CENPK: variants seen among roughly 807,000 people sequenced by gnomAD.
The protein encoded by CENPK is centromere protein K.
In CENPK, 46 loss-of-function variants were observed where a neutral mutation model predicts 40.9. The ratio of observed to expected loss-of-function variants is 1.13; its 90% CI spans 0.89 to 1.44. CENPK has a LOEUF of 1.44. CENPK is among the 40% of genes most tolerant of loss of function. The pLI is 0.00. For missense variants in CENPK, 288 were observed against 303.5 expected, an observed-to-expected ratio of 0.95 and a Z score of 0.38; for synonymous variants, 107 against 104.4, an observed-to-expected ratio of 1.02 and a Z score of -0.15.
At chr5:65,502,796 TTTTA>T in the CENPK span, among the ~76,000 whole-genome samples, 298 of 151,734 alleles carry the variant, frequency 2.0e-3, 2 homozygotes, top group African/African-American at 6.3e-3. Context: ...AATTTTTAAA[TTTTA>T]TTTATTTATT....
At position 65,561,270 on chromosome 5, in the gene CENPK, G is replaced by A. The variant is rs113654962; in HGVS notation, c.-40+193C>T. On this transcript the variant is annotated intron_variant, in intron 2 of 10. Coordinates refer to ENST00000396679, the MANE Select transcript of CENPK (RefSeq NM_022145.5). ...CATGAATTTTAGAATATTTTTAAGC[G>A]AAAAAGTCAAACATAAATATTTCTT... The A allele has an allele frequency of 5.3e-3, 1,156 of 219,594 alleles. 10 individuals are homozygous for A. Among genetic ancestry groups the A allele is most frequent in the African/African-American group, 0.024 (1,069 of 43,950 alleles). The allele number at this position is 219,594 out of a possible 1,614,324, so 13.6% of individuals were successfully genotyped here. A position where few individuals can be genotyped will look rare whatever the true frequency, so the allele number is the denominator to read the frequency against.
At chr5:65,540,359 A>G (rs984131514) in intron 6 of CENPK, among the ~76,000 whole-genome samples, 3 of 152,242 alleles carry the variant, frequency 2.0e-5, no homozygotes, top group African/African-American at 7.2e-5. Flanking sequence ...CCTCTTTATA[A>G]TAAGAATGAT....
intron 6 of CENPK, among the ~76,000 whole-genome samples, chr5:65,538,128 T>TA (rs1033512296): frequency 7.9e-5 from 12 of 152,166 alleles, no homozygotes; most frequent in East Asian, 7.7e-4. Context: ...TGGTCCTTTT[T>TA]AAAAAAAATG....
chr5:65,539,774 C>T (rs1243994130), intron 6 of CENPK, among the ~76,000 whole-genome samples: 6 of 152,236 alleles, frequency 3.9e-5, no homozygotes, highest in Admixed American at 6.5e-5. Flanking sequence ...AGGCTCCTTC[C>T]TTTAAAACCC....
At position 65,552,527 on chromosome 5, in the gene CENPK, A is replaced by T. The variant is rs1454849271; in HGVS notation, c.134T>A (p.Ile45Asn). The change falls in exon 4 of 11, where the codon ATT becomes AAT. Residue 45 changes from isoleucine to asparagine, a missense_variant. Ile to Asn is a moderately radical substitution (Grantham distance 149). Coordinates refer to ENST00000396679, the MANE Select transcript of CENPK (RefSeq NM_022145.5). ...MEECQNKLSLIGTETLTDSNA... is the reference protein window; with the variant it reads ...MEECQNKLSLNGTETLTDSNA... ...TGAATCGGTGAGTGTTTCAGTTCCAATAAGTGATAATTTATTCTGACACTT... is the reference window on the plus strand; with the variant it reads ...TGAATCGGTGAGTGTTTCAGTTCCATTAAGTGATAATTTATTCTGACACTT... 6.4e-7 allele frequency: 1 copy of T among 1,550,662 alleles called. No homozygotes were observed. Among genetic ancestry groups the T allele is most frequent in the Non-Finnish European group, 8.7e-7 (1 of 1,150,260 alleles).
chr5:65,525,723 G>A (rs964901679), intron 9 of CENPK, among the ~76,000 whole-genome samples: 2 of 152,064 alleles, frequency 1.3e-5, no homozygotes, highest in African/African-American at 2.4e-5. Flanking sequence ...CATAAGAATC[G>A]GGCCCTAATC....
chr5:65,562,403 A>G (rs1752154074), intron 1 of CENPK, among the ~76,000 whole-genome samples: 1 of 152,168 alleles, frequency 6.6e-6, no homozygotes, highest in Non-Finnish European at 1.5e-5. Context: ...TTGAAATAAA[A>G]TAAAGTGCCT....
Position 65,561,773 on chromosome 5 carries a change from C to A in CENPK, c.-141-209G>T, listed in dbSNP as rs539964544. On this transcript the variant is annotated intron_variant, in intron 1 of 10. Coordinates refer to ENST00000396679, the MANE Select transcript of CENPK (RefSeq NM_022145.5). Reference sequence around the variant, plus strand: ...AGTATCTCTTTATTTAGGGATAATACTATACTTAAAGAAACTCGTACTATT... The same window carrying A: ...AGTATCTCTTTATTTAGGGATAATAATATACTTAAAGAAACTCGTACTATT... Among the ~76,000 whole-genome samples the A allele has an allele frequency of 5.2e-5, 5 of 96,204 alleles. No individual in the cohort carries two copies. In the South Asian group the frequency reaches 1.6e-3, roughly 31 times the overall value. 63.1% of individuals were successfully genotyped at this position (96,204 alleles called of 152,430 possible).
At chr5:65,511,064 T>C in the CENPK span, among the ~76,000 whole-genome samples, 2 of 152,186 alleles carry the variant, frequency 1.3e-5, no homozygotes, top group East Asian at 3.9e-4. Flanking sequence ...TATTCTGTTA[T>C]AAGCAACAGA....
At chr5:65,530,742 C>G (rs938479802) in intron 6 of CENPK, among the ~76,000 whole-genome samples, 8 of 151,612 alleles carry the variant, frequency 5.3e-5, no homozygotes, top group Non-Finnish European at 7.4e-5. Flanking sequence ...AACCCTGTCT[C>G]TATAAATAAA....
intron 6 of CENPK, 119 bp downstream of exon 6, chr5:65,542,683 G>A (rs1046033951): frequency 4.4e-6 from 3 of 681,410 alleles, no homozygotes; most frequent in Non-Finnish European, 7.0e-6. Flanking sequence ...ATAAATAAAA[G>A]CAGAAAATTT....
chr5:65,503,942 C>T, the CENPK span, among the ~76,000 whole-genome samples: 1 of 149,604 alleles, frequency 6.7e-6, no homozygotes, highest in African/African-American at 2.5e-5. Context: ...AGGCGTGAGT[C>T]ACCGTGCCCG....
intron 6 of CENPK, among the ~76,000 whole-genome samples, chr5:65,534,050 C>CAAAAAAAAAAAA (rs60018569): frequency 1.1e-5 from 1 of 90,944 alleles, no homozygotes; most frequent in Non-Finnish European, 2.0e-5. Flanking sequence ...ACCGTCTCAA[C>CAAAAAAAAAAAA]AAAAAAAAAA....
At chr5:65,499,968 T>C in the CENPK span, among the ~76,000 whole-genome samples, 1 of 89,068 alleles carries the variant, frequency 1.1e-5, no homozygotes, top group Non-Finnish European at 2.5e-5. Context: ...GGTTTCCAGT[T>C]TCATCCATGT....
At chr5:65,546,288 G>C (rs1285578510) in intron 5 of CENPK, among the ~76,000 whole-genome samples, 1 of 152,132 alleles carries the variant, frequency 6.6e-6, no homozygotes. Flanking sequence ...TTACAGACGT[G>C]AGCCACCACA....
chr5:65,514,930 T>G (rs931400614), downstream of CENPK, among the ~76,000 whole-genome samples: 2 of 149,976 alleles, frequency 1.3e-5, no homozygotes, highest in Admixed American at 1.4e-4. Context: ...CATTTCTGAT[T>G]TTAGTAATTT....
chr5:65,551,592 GA>G lies in CENPK; in HGVS notation c.212del (p.Leu71ProfsTer14). On this transcript the variant is annotated frameshift_variant, in exon 5 of 11. Transcript: ENST00000396679. LOFTEE classifies it high-confidence loss of function. ...IMQVKCLTAE[L>X]SQWQKKTPET... is the part of the protein sequence containing the mutation. The stretch of plus-strand genomic sequence containing the variant: ...CAGGTGTTTTTTTCTGCCATTGACT[GA>G]GTTCAGCGGTTAAACATTTTACTTG... 6.4e-7 allele frequency: 1 copy of G among 1,572,712 alleles called. No individual in the cohort carries two copies. The highest frequency in any genetic ancestry group is 8.6e-7 in the Non-Finnish European group (1 of 1,159,516).
chr5:65,519,037 A>C (rs935799946), intron 10 of CENPK, among the ~76,000 whole-genome samples: 1 of 152,194 alleles, frequency 6.6e-6, no homozygotes, highest in Non-Finnish European at 1.5e-5. Flanking sequence ...GTCCCCCACA[A>C]AACACCTATT....
At position 65,528,532 on chromosome 5, in the gene CENPK, T is replaced by C. The variant is rs765028924; in HGVS notation, c.517A>G (p.Lys173Glu). 2.1e-5 allele frequency: 33 copies of C among 1,587,922 alleles called. No homozygotes were observed. The Admixed American group carries it at 3.5e-4, about 17-fold the overall frequency. The part of the protein sequence containing the change: ...KTKMLNIKEY[K>E]EKLLSTLGEF... The stretch of plus-strand genomic sequence containing the variant: ...CCCAAGGTACTCAAGAGTTTCTCCT[T>C]ATATTCTTTTATATTAAGCATTTTA... The change falls in exon 9 of 11, where the codon AAG becomes GAG. Residue 173 changes from lysine to glutamate, a missense_variant. Transcript: ENST00000396679.
Sources: allele counts gnomAD v4.1 joint callset (sites outside exome capture counted in the v4.1 genomes callset), GRCh38; gene constraint gnomAD v4.1.1; transcripts MANE v1.5; gene names NCBI Gene and HGNC (gene_info 2026-07-23, HGNC 2026-07-21).